The following RTL1 variants were observed in gnomAD, a reference collection of about 807,000 sequenced individuals.
The protein encoded by RTL1 is retrotransposon Gag like 1, also known as retrotransposon-like protein 1.
For synonymous variants in RTL1, 727 were observed against 748.4 expected (o/e 0.97, Z 0.47); for missense variants, 1,681 against 1,767.5 (o/e 0.95, Z 0.88).
chr14:100,882,342 A>T lies in RTL1; in HGVS notation c.2447T>A (p.Val816Asp). 1 of 1,551,642 alleles carries T rather than the reference A, an allele frequency of 6.4e-7. No individual in the cohort carries two copies. Among genetic ancestry groups the T allele is most frequent in the Non-Finnish European group, 8.7e-7 (1 of 1,146,978 alleles). ...CTCCACGAAGTGGCGGTAGGGGAAG[A>T]CGAATTCGATGAAGTTTCGCAGAGA... ...KLSLRNFIEFVFPYRHFVERF... is the reference protein window; with the variant it reads ...KLSLRNFIEFDFPYRHFVERF... Residue 816 changes from valine to aspartate, a missense_variant, in exon 4 of 4, where the codon GTC (valine) becomes GAC (aspartate). Coordinates refer to ENST00000649591, the MANE Select transcript of RTL1 (RefSeq NM_001134888.3).
intron 3 of RTL1, among the ~76,000 whole-genome samples, chr14:100,890,282 CGT>C: frequency 6.8e-6 from 1 of 146,608 alleles, no homozygotes; most frequent in East Asian, 2.2e-4. Flanking sequence ...GGGCTGCCAA[CGT>C]GTGTCTATGA....
At chr14:100,898,275 T>C (rs2038896650) in intron 2 of RTL1, among the ~76,000 whole-genome samples, 1 of 152,174 alleles carries the variant, frequency 6.6e-6, no homozygotes, top group Non-Finnish European at 1.5e-5. Flanking sequence ...ATTAATACGA[T>C]TCTGCTCAAC....
At position 100,884,073 on chromosome 14, in the gene RTL1, C is replaced by G. The variant is rs1176157146; in HGVS notation, c.716G>C (p.Gly239Ala). The G allele has an allele frequency of 6.4e-7, 1 of 1,551,618 alleles. No homozygotes were observed. The highest frequency in any genetic ancestry group is 1.4e-5 in the African/African-American group (1 of 73,064). ...RMFYNDRLRV[G>A]YVINHLSGLA... ...GCCGGACAGGTGATTGATGACATAG[C>G]CAACTCTCAGACGGTCGTTATAGAA... Residue 239 changes from glycine to alanine, a missense_variant, in exon 4 of 4, where the codon GGC becomes GCC. Gly to Ala is a moderately conservative substitution (Grantham distance 60, BLOSUM62 0). Transcript: ENST00000649591.
In RTL1 at chr14:100,882,842, C is replaced by T; in HGVS notation, c.1947G>A (p.Met649Ile). 1 of 1,554,378 alleles carries T rather than the reference C, an allele frequency of 6.4e-7. No homozygotes were observed. The highest frequency in any genetic ancestry group is 8.7e-7 in the Non-Finnish European group (1 of 1,147,924). Residue 649 changes from methionine (M) to isoleucine (I), a missense_variant, in exon 4 of 4, where the codon ATG (methionine) becomes ATA (isoleucine). Met to Ile is a conservative substitution (Grantham distance 10). Transcript: ENST00000649591. Reference sequence around the variant, plus strand: ...GTAACTGGTCAAACAGTTCCGGAATCATCTGTATGTAGTCCTGTCTGTTGG... The same window carrying T: ...GTAACTGGTCAAACAGTTCCGGAATTATCTGTATGTAGTCCTGTCTGTTGG... ...MLTNRQDYIQMIPELFDQLHG... is the reference protein window; with the variant it reads ...MLTNRQDYIQIIPELFDQLHG...
chr14:100,887,980 G>A (rs957791898), intron 3 of RTL1, among the ~76,000 whole-genome samples: 1 of 152,152 alleles, frequency 6.6e-6, no homozygotes, highest in South Asian at 2.1e-4. Context: ...CTCACGAGTG[G>A]TCTGATGCTT....
intron 2 of RTL1, among the ~76,000 whole-genome samples, chr14:100,895,394 A>G (rs2038841848): frequency 6.6e-6 from 1 of 152,054 alleles, no homozygotes; most frequent in South Asian, 2.1e-4. Flanking sequence ...CTTACATAGG[A>G]TGGGGATGCA....
chr14:100,903,013 C>G (rs1231844634), intron 2 of RTL1, among the ~76,000 whole-genome samples: 1 of 152,192 alleles, frequency 6.6e-6, no homozygotes, highest in East Asian at 1.9e-4. Context: ...GGAGGCAGCC[C>G]CCGGCCTGTG....
Position 100,884,395 on chromosome 14 carries a change from G to T in RTL1, c.394C>A (p.Arg132=), listed in dbSNP as rs758575352. The change falls in exon 4 of 4, where the codon CGA becomes AGA. Residue 132 remains arginine (R), a synonymous_variant. Transcript: ENST00000649591. ...KEASVNPSGA[R]EEQEAHTDLK... ...TCAGTGTGAGCCTCTTGTTCTTCTC[G>T]GGCTCCCGATGGGTTGACTGATGCT... 1.4e-5 allele frequency: 22 copies of T among 1,596,210 alleles called. No homozygotes were observed. The highest frequency in any genetic ancestry group is 3.5e-5 in the Admixed American group (2 of 57,364).
intron 2 of RTL1, chr14:100,895,134 T>C (rs2038837670): frequency 6.6e-6 from 1 of 152,234 alleles, no homozygotes; most frequent in African/African-American, 2.4e-5. Flanking sequence ...CAGTGTGTTA[T>C]CCAAAAACCC....
chr14:100,885,991 C>T (rs1169567378), intron 3 of RTL1, among the ~76,000 whole-genome samples: 3 of 151,958 alleles, frequency 2.0e-5, no homozygotes, highest in Non-Finnish European at 4.4e-5. Flanking sequence ...TCTGACGGTC[C>T]CAGAGTGGAT....
chr14:100,895,394 A>C (rs2038841848), intron 2 of RTL1, among the ~76,000 whole-genome samples: 1 of 152,172 alleles, frequency 6.6e-6, no homozygotes, highest in Admixed American at 6.5e-5. Context: ...CTTACATAGG[A>C]TGGGGATGCA....
Position 100,882,832 on chromosome 14 carries a change from G to T in RTL1, c.1957C>A (p.Leu653Met). ...TCGGCTCCGTGTAACTGGTCAAACAGTTCCGGAATCATCTGTATGTAGTCC... is the reference window on the plus strand; with the variant it reads ...TCGGCTCCGTGTAACTGGTCAAACATTTCCGGAATCATCTGTATGTAGTCC... Reference protein sequence around the residue: ...RQDYIQMIPELFDQLHGAEWF... With the variant: ...RQDYIQMIPEMFDQLHGAEWF... Residue 653 changes from leucine (L) to methionine (M), a missense_variant, in exon 4 of 4, where the codon CTG (leucine) becomes ATG (methionine). Physicochemically the swap from Leu to Met is conservative, Grantham distance 15. Transcript: ENST00000649591. 6.4e-7 allele frequency: 1 copy of T among 1,552,922 alleles called. No homozygotes were observed. Among genetic ancestry groups the T allele is most frequent in the Non-Finnish European group, 8.7e-7 (1 of 1,147,394 alleles).
chr14:100,884,936 GT>G, intron 3 of RTL1, 62 bp from the exon 4 acceptor site: 1 of 688,132 alleles, frequency 1.5e-6, no homozygotes. Context: ...TGAAGTGGCA[GT>G]ATCAGGGTCT....
At position 100,883,894 on chromosome 14, in the gene RTL1, G is replaced by A. The variant is rs949078378; in HGVS notation, c.895C>T (p.Arg299Cys). ...EAMFTIRQGG[R>C]SATEYIDEFQ... is the part of the protein sequence containing the mutation. ...TCATCGATGTACTCAGTGGCAGAGC[G>A]GCCGCCCTGCCTGATGGTGAACATG... The change falls in exon 4 of 4, where the codon CGC (arginine) becomes TGC (cysteine). Residue 299 changes from arginine (R) to cysteine (C), a missense_variant. Arg to Cys is a radical substitution (Grantham distance 180, BLOSUM62 -3). Coordinates refer to ENST00000649591, the MANE Select transcript of RTL1 (RefSeq NM_001134888.3). The surrounding 1 kb of genome is among the most constrained non-coding windows in gnomAD (Gnocchi z 5.9). 6 of 1,551,530 alleles carry A rather than the reference G, an allele frequency of 3.9e-6. No individual in the cohort carries two copies. Among genetic ancestry groups the A allele is most frequent in the Admixed American group, 2.0e-5 (1 of 51,010 alleles).
At chr14:100,890,951 G>A (rs984111465) in intron 3 of RTL1, among the ~76,000 whole-genome samples, 2 of 152,156 alleles carry the variant, frequency 1.3e-5, no homozygotes, top group Non-Finnish European at 2.9e-5. Context: ...TCGTGTCAAG[G>A]TTAAGATGTG....
chr14:100,892,283 G>A (rs559442485), intron 3 of RTL1, among the ~76,000 whole-genome samples: 1 of 152,276 alleles, frequency 6.6e-6, no homozygotes, highest in African/African-American at 2.4e-5. Context: ...GGCAAACAAG[G>A]AGGGCCCCAC....
At position 100,884,326 on chromosome 14, in the gene RTL1, G is replaced by A; in HGVS notation, c.463C>T (p.Gln155Ter). 1 of 1,543,484 alleles carries A rather than the reference G, an allele frequency of 6.5e-7. No individual in the cohort carries two copies. The highest frequency in any genetic ancestry group is 8.8e-7 in the Non-Finnish European group (1 of 1,141,218). Residue 155 changes from glutamine (Q) to a stop codon, truncating the protein, a stop_gained, in exon 4 of 4, where the codon CAG (glutamine) becomes TAG (stop). Transcript: ENST00000649591. LOFTEE classifies it low-confidence loss of function (END_TRUNC). ...AGTTCTGCGGTTGAGTGCTCGGTCT[G>A]GTTTTGCTCTTGAGGAGTCTCCTCC... ...GREETPQEQN[Q>*]TEHSTAELMA...
At position 100,898,973 on chromosome 14, in the gene RTL1, C is replaced by T. The variant is rs986698100; in HGVS notation, c.-149+4318G>A. 5 of 152,410 alleles carry T rather than the reference C, an allele frequency of 3.3e-5. No individual in the cohort carries two copies. In the South Asian group the frequency reaches 1.0e-3, roughly 32 times the overall value. The allele number at this position is 152,410 out of a possible 1,614,324, so 9.4% of individuals were successfully genotyped here. ...CCTTTCTAGGAGCCCTGGGCTCCCC[C>T]AGTGTTGCCTGGGTCTGACTTTGCC... On this transcript the variant is annotated intron_variant, in intron 2 of 3. Coordinates refer to ENST00000649591, the MANE Select transcript of RTL1 (RefSeq NM_001134888.3).
At position 100,880,744 on chromosome 14, in the gene RTL1, G is replaced by A. The variant is rs1468275514; in HGVS notation, c.4045C>T (p.Pro1349Ser). 6 of 1,550,958 alleles carry A rather than the reference G, an allele frequency of 3.9e-6. No individual in the cohort carries two copies. The highest frequency in any genetic ancestry group is 5.2e-6 in the Non-Finnish European group (6 of 1,146,966). The change falls in exon 4 of 4, where the codon CCT becomes TCT. Residue 1349 changes from proline to serine, a missense_variant. Physicochemically the swap from Pro to Ser is moderately conservative, Grantham distance 74. Transcript: ENST00000649591. Reference sequence around the variant, plus strand: ...AGGTTAGCATCTTCGTCCTCATCAGGCAGCTCTTCTAGCCTTGCCTGCTCC... The same window carrying A: ...AGGTTAGCATCTTCGTCCTCATCAGACAGCTCTTCTAGCCTTGCCTGCTCC... The part of the protein sequence containing the change: ...PREQARLEEL[P>S]DEDEDANLD
Sources: gnomAD v4.1 joint callset for allele counts (sites outside exome capture counted in the v4.1 genomes callset) on GRCh38, gnomAD v4.1.1 for gene constraint, Gnocchi (gnomAD v3.1) non-coding constraint, MANE v1.5 for transcripts, NCBI Gene and HGNC (gene_info 2026-07-23, HGNC 2026-07-21) for gene names.